GATA5: variants seen among roughly 807,000 people sequenced by gnomAD.
GATA5 encodes transcription factor GATA-5.
GATA5 carries 27 observed loss-of-function variants against 35.0 expected under a neutral mutation model. That is an observed-to-expected ratio of 0.77 (90% confidence interval 0.57 to 1.06). The LOEUF is 1.06. Ranked by LOEUF, GATA5 falls within the 50% of genes least tolerant of loss-of-function variation. The pLI is 0.00. For synonymous variants in GATA5, 306 were observed against 267.8 expected, an observed-to-expected ratio of 1.14 and a Z score of -1.39; for missense variants, 612 against 580.0, an observed-to-expected ratio of 1.06 and a Z score of -0.57.
intron 3 of GATA5, among the ~76,000 whole-genome samples, chr20:62,467,417 C>G (rs1446201126): frequency 1.3e-5 from 2 of 152,214 alleles, no homozygotes; most frequent in Non-Finnish European, 2.9e-5. Flanking sequence ...CAGCCCAGGG[C>G]CCCAGAGGCA....
chr20:62,474,883 C>T (rs782447924), intron 2 of GATA5, 116 bp downstream of exon 2: 93 of 919,952 alleles, frequency 1.0e-4, no homozygotes, highest in Non-Finnish European at 1.3e-4. Flanking sequence ...TGGTGTCGCT[C>T]CTGGCAGGGA....
intron 2 of GATA5, 71 bp downstream of exon 2, chr20:62,474,928 T>C: frequency 4.9e-6 from 6 of 1,214,570 alleles, no homozygotes; most frequent in Non-Finnish European, 5.2e-6. Context: ...GGGGAGCGTT[T>C]CGCAGGGTGC....
At chr20:62,465,719 T>C in intron 5 of GATA5, 115 bp downstream of exon 5, 1 of 943,236 alleles carries the variant, frequency 1.1e-6, no homozygotes, top group Non-Finnish European at 1.6e-6. Context: ...CTGGGGGCAT[T>C]TGGACTTCCA....
chr20:62,465,401 G>A lies in GATA5; in HGVS notation c.977C>T (p.Thr326Ile), dbSNP rs782353437. The change falls in exon 6 of 7, where the codon ACT becomes ATT. Residue 326 changes from threonine to isoleucine, a missense_variant. Physicochemically the swap from Thr to Ile is moderately conservative, Grantham distance 89. Coordinates refer to ENST00000252997, the MANE Select transcript of GATA5 (RefSeq NM_080473.5). ...CGCCAGGCTGGGCTTGGCTTTCGAA[G>A]TGGCTGCTGAGCTGTCAGTGCTGGC... Reference protein sequence around the residue: ...AVASTDSSAATSKAKPSLASP... With the variant: ...AVASTDSSAAISKAKPSLASP... 6.2e-7 allele frequency: 1 copy of A among 1,607,558 alleles called. No individual in the cohort carries two copies. The highest frequency in any genetic ancestry group is 8.5e-7 in the Non-Finnish European group (1 of 1,179,524).
rs113402108 is a variant in GATA5 at position 62,465,799 on chromosome 20, A to G, written c.913+35T>C. 2.2e-3 allele frequency: 3,367 copies of G among 1,513,730 alleles called. 49 individuals are homozygous for G. The African/African-American group carries it at 0.038, about 17-fold the overall frequency. The allele number at this position is 1,513,730 out of a possible 1,614,324, so 93.8% of individuals were successfully genotyped here. A position where few individuals can be genotyped will look rare whatever the true frequency, so the allele number is the denominator to read the frequency against. ...CTGGAGGCACCGAAGGCCACTCCGCAGGAGCGGGGCTGACTGCAGGGCCTG... is the reference window on the plus strand; with the variant it reads ...CTGGAGGCACCGAAGGCCACTCCGCGGGAGCGGGGCTGACTGCAGGGCCTG... On this transcript the variant is annotated intron_variant, in intron 5 of 6. Coordinates refer to ENST00000252997, the MANE Select transcript of GATA5 (RefSeq NM_080473.5).
Position 62,465,901 on chromosome 20 carries a change from C to T in GATA5, c.846G>A (p.Met282Ile). The T allele has an allele frequency of 6.3e-7, 1 of 1,595,140 alleles. No homozygotes were observed. The change falls in exon 5 of 7, where the codon ATG becomes ATA. Residue 282 changes from methionine (M) to isoleucine (I), a missense_variant. Met to Ile is a conservative substitution (Grantham distance 10, BLOSUM62 1). Transcript: ENST00000252997. ...TCCGTGTCTGGATGCTTTCCTTCTT[C>T]ATAGCCAGAGGCCGCGGCACCTGGC... is the stretch of plus-strand genomic sequence containing the variant. ...KLHGVPRPLA[M>I]KKESIQTRKR...
rs1989835264 is a variant in GATA5, at chr20:62,475,445, G to A, written c.77C>T (p.Pro26Leu). Reference sequence around the variant, plus strand: ...CACAAACATCGGAGAGCCGGCGCCCGGAGCGTGCAGGAAGGAGCCCGAGTC... The same window carrying A: ...CACAAACATCGGAGAGCCGGCGCCCAGAGCGTGCAGGAAGGAGCCCGAGTC... The part of the protein sequence containing the change: ...YADSGSFLHA[P>L]GAGSPMFVPP... The change falls in exon 2 of 7, where the codon CCG becomes CTG. Residue 26 changes from proline to leucine, a missense_variant. Pro to Leu is a moderately conservative substitution (Grantham distance 98). Coordinates refer to ENST00000252997, the MANE Select transcript of GATA5 (RefSeq NM_080473.5). 1.5e-6 allele frequency: 2 copies of A among 1,356,220 alleles called. No homozygotes were observed. The highest frequency in any genetic ancestry group is 1.5e-5 in the African/African-American group (1 of 66,154). The allele number at this position is 1,356,220 out of a possible 1,614,324, so 84.0% of individuals were successfully genotyped here. A position where few individuals can be genotyped will look rare whatever the true frequency, so the allele number is the denominator to read the frequency against.
intron 2 of GATA5, among the ~76,000 whole-genome samples, chr20:62,474,143 TC>T (rs1311006182): frequency 6.6e-6 from 1 of 152,218 alleles, no homozygotes; most frequent in Non-Finnish European, 1.5e-5. Flanking sequence ...GCAACCAGTG[TC>T]CTTCCTTTAG....
chr20:62,471,257 GAGAGTGGATACAGCC>G (rs1989712337), intron 3 of GATA5, among the ~76,000 whole-genome samples: 1 of 152,056 alleles, frequency 6.6e-6, no homozygotes. Context: ...TGGCAGTGGG[GAGAGTGGATACAGCC>G]AGAGGAGGGG....
At position 62,464,838 on chromosome 20, in the gene GATA5, A is replaced by G; in HGVS notation, c.1192T>C (p.Ter398GlnextTer122). 6.3e-7 allele frequency: 1 copy of G among 1,590,640 alleles called. No individual in the cohort carries two copies. Among genetic ancestry groups the G allele is most frequent in the Non-Finnish European group, 8.6e-7 (1 of 1,167,256 alleles). The change falls in exon 7 of 7, where the codon TAG (stop) becomes CAG (glutamine). Residue 398 changes from the stop codon to glutamine (Q), a stop_lost. Coordinates refer to ENST00000252997, the MANE Select transcript of GATA5 (RefSeq NM_080473.5). ...QEAWCALALA[*>Q] ...CTGACATGGGCTGGCCTGGGGACCT[A>G]GGCCAAGGCCAGCGCACACCAGGCC...
At position 62,472,770 on chromosome 20, in the gene GATA5, C is replaced by A. The variant is rs557692906; in HGVS notation, c.699+633G>T. On this transcript the variant is annotated intron_variant, in intron 3 of 6. Coordinates refer to ENST00000252997, the MANE Select transcript of GATA5 (RefSeq NM_080473.5). ...CAAAAGTCCAGGCTCCGGAGTCCCC[C>A]ACTCCCTGCTCAGCCACAAGCCAGG... is the stretch of plus-strand genomic sequence containing the variant. Among the ~76,000 whole-genome samples, 10 of 152,364 alleles carry A rather than the reference C, an allele frequency of 6.6e-5. No individual in the cohort carries two copies. The East Asian group carries it at 1.9e-3, about 29-fold the overall frequency.
At position 62,473,461 on chromosome 20, in the gene GATA5, C is replaced by G. The variant is rs1601519390; in HGVS notation, c.641G>C (p.Gly214Ala). ...GACGCCATTCATCTTGTGGTAGAGG[C>G]CGCAGGCATTGCACAGGTAGTGGCC... ...GTGHYLCNAC[G>A]LYHKMNGVNR... The change falls in exon 3 of 7, where the codon GGC becomes GCC. Residue 214 changes from glycine to alanine, a missense_variant. Physicochemically the swap from Gly to Ala is moderately conservative, Grantham distance 60 (BLOSUM62 0). Coordinates refer to ENST00000252997, the MANE Select transcript of GATA5 (RefSeq NM_080473.5). 1 of 1,611,446 alleles carries G rather than the reference C, an allele frequency of 6.2e-7. No homozygotes were observed. The highest frequency in any genetic ancestry group is 8.5e-7 in the Non-Finnish European group (1 of 1,179,292).
In GATA5 at chr20:62,473,540, C is replaced by T. The variant is rs868964072; in HGVS notation, c.562G>A (p.Glu188Lys). 6.2e-7 allele frequency: 1 copy of T among 1,605,196 alleles called. No individual in the cohort carries two copies. The highest frequency in any genetic ancestry group is 1.1e-5 in the South Asian group (1 of 89,730). ...FLEEFPGEGR[E>K]CVNCGALSTP... ...GACAGGGCCCCGCAGTTGACACACT[C>T]ACGACCCTCACCCGGGAACTCCTCC... Residue 188 changes from glutamate (E) to lysine (K), a missense_variant, in exon 3 of 7, where the codon GAG (glutamate) becomes AAG (lysine). Coordinates refer to ENST00000252997, the MANE Select transcript of GATA5 (RefSeq NM_080473.5).
Position 62,474,201 on chromosome 20 carries a change from T to C in GATA5, c.524-623A>G, listed in dbSNP as rs114328334. Among the ~76,000 whole-genome samples, 1,289 of 152,258 alleles carry C rather than the reference T, an allele frequency of 8.5e-3. 12 individuals carry two copies. Among genetic ancestry groups the C allele is most frequent in the African/African-American group, 0.03 (1,237 of 41,576 alleles). On this transcript the variant is annotated intron_variant, in intron 2 of 6. Transcript: ENST00000252997. Reference sequence around the variant, plus strand: ...CCCCCTGGGGCCGGGCTTCGCACACTGTGCGGCTGGGGGTGGAGGTCTTCC... The same window carrying C: ...CCCCCTGGGGCCGGGCTTCGCACACCGTGCGGCTGGGGGTGGAGGTCTTCC...
rs75248066 is a variant in GATA5, at chr20:62,472,651, A to G, written c.699+752T>C. 8.5e-3 allele frequency among the ~76,000 whole-genome samples: 1,301 copies of G among 152,302 alleles called. 9 individuals are homozygous for G. Among genetic ancestry groups the G allele is most frequent in the African/African-American group, 0.03 (1,227 of 41,556 alleles). On this transcript the variant is annotated intron_variant, in intron 3 of 6. Coordinates refer to ENST00000252997, the MANE Select transcript of GATA5 (RefSeq NM_080473.5). ...CAACACCCCAAATCCTTATTTGTAC[A>G]ATTACTCGAAAGTAAAGGTTTGCCT...
chr20:62,475,108 G>T lies in GATA5; in HGVS notation c.414C>A (p.Tyr138Ter). The T allele has an allele frequency of 7.2e-7, 1 of 1,394,012 alleles. No individual in the cohort carries two copies. The allele number at this position is 1,394,012 out of a possible 1,614,324, so 86.4% of individuals were successfully genotyped here. ...APLGRPVGTS[Y>*]SATYPAYVSP... ...TCACGTAGGCCGGGTAGGTGGCGGA[G>T]TACGAGGTCCCCACCGGCCGCCCAA... The change falls in exon 2 of 7, where the codon TAC becomes TAA. Residue 138 changes from tyrosine to a stop codon, truncating the protein, a stop_gained. Transcript: ENST00000252997. LOFTEE classifies it high-confidence loss of function.
chr20:62,475,200 C>G lies in GATA5; in HGVS notation c.322G>C (p.Ala108Pro). 1.6e-6 allele frequency: 2 copies of G among 1,255,560 alleles called. No homozygotes were observed. The highest frequency in any genetic ancestry group is 6.4e-5 in the South Asian group (2 of 31,496). The allele number at this position is 1,255,560 out of a possible 1,614,324, so 77.8% of individuals were successfully genotyped here. The change falls in exon 2 of 7, where the codon GCG (alanine) becomes CCG (proline). Residue 108 changes from alanine (A) to proline (P), a missense_variant. Coordinates refer to ENST00000252997, the MANE Select transcript of GATA5 (RefSeq NM_080473.5). ...SPSGPGSGGSAGGRDGSAYQG... is the reference protein window; with the variant it reads ...SPSGPGSGGSPGGRDGSAYQG... ...TAGGCACTGCCGTCTCGGCCCCCCGCGCTGCCGCCGCTGCCGGGCCCCGAG... is the reference window on the plus strand; with the variant it reads ...TAGGCACTGCCGTCTCGGCCCCCCGGGCTGCCGCCGCTGCCGGGCCCCGAG...
At chr20:62,474,561 C>A (rs537820317) in intron 2 of GATA5, among the ~76,000 whole-genome samples, 14 of 152,378 alleles carry the variant, frequency 9.2e-5, no homozygotes, top group Non-Finnish European at 1.8e-4. Flanking sequence ...GGCCGAGAAT[C>A]CGATTCTCCA....
At position 62,475,480 on chromosome 20, in the gene GATA5, G is replaced by A; in HGVS notation, c.42C>T (p.Ala14=). The A allele has an allele frequency of 7.5e-7, 1 of 1,327,032 alleles. No individual in the cohort carries two copies. Among genetic ancestry groups the A allele is most frequent in the Non-Finnish European group, 9.6e-7 (1 of 1,041,324 alleles). 82.2% of individuals were successfully genotyped at this position (1,327,032 alleles called of 1,614,324 possible). ...SLALAASPRQ[A]AYADSGSFLH... ...GGAAGGAGCCCGAGTCGGCGTAGGCGGCCTGGCGGGGGCTCGCGGCCAGCG... is the reference window on the plus strand; with the variant it reads ...GGAAGGAGCCCGAGTCGGCGTAGGCAGCCTGGCGGGGGCTCGCGGCCAGCG... Residue 14 remains alanine, a synonymous_variant, in exon 2 of 7, where the codon GCC becomes GCT. Coordinates refer to ENST00000252997, the MANE Select transcript of GATA5 (RefSeq NM_080473.5).
Sources: allele counts gnomAD v4.1 joint callset (sites outside exome capture counted in the v4.1 genomes callset), GRCh38; gene constraint gnomAD v4.1.1; transcripts MANE v1.5; gene names NCBI Gene and HGNC (gene_info 2026-07-23, HGNC 2026-07-21).